Variants in IGFBP2 observed in about 807,000 individuals in gnomAD.
IGFBP2 encodes the protein insulin like growth factor binding protein 2, also known as insulin-like growth factor-binding protein 2.
IGFBP2 carries 12 observed loss-of-function variants against 26.2 expected under a neutral mutation model. The observed-to-expected ratio is 0.46, with a 90% CI of 0.29 to 0.74. The LOEUF is 0.74. Ranked by LOEUF, IGFBP2 falls within the 30% of genes least tolerant of loss-of-function variation. IGFBP2 has a pLI of 0.09. For missense variants in IGFBP2, 328 were observed against 441.2 expected (o/e 0.74, Z 2.30); for synonymous variants, 189 against 200.6 (o/e 0.94, Z 0.49).
rs559066881 is a variant in IGFBP2, at chr2:216,656,694, C to A, written c.443-3863C>A. ...CCAGAAGCTCATGGATAGAGGTACA[C>A]ATGAGCTGCCTTTCCCGTCTCCAAC... is the stretch of plus-strand genomic sequence containing the variant. On this transcript the variant is annotated intron_variant, in intron 1 of 3. Coordinates refer to ENST00000233809, the MANE Select transcript of IGFBP2 (RefSeq NM_000597.3). Among the ~76,000 whole-genome samples the A allele has an allele frequency of 5.1e-4, 77 of 152,172 alleles. 2 individuals carry two copies. Among genetic ancestry groups the A allele is most frequent in the African/African-American group, 1.8e-3 (74 of 41,522 alleles).
Position 216,633,979 on chromosome 2 carries a change from G to A in IGFBP2, c.442+14G>A, listed in dbSNP as rs1343117409. The A allele has an allele frequency of 2.5e-6, 4 of 1,587,416 alleles. No individual in the cohort carries two copies. Among genetic ancestry groups the A allele is most frequent in the South Asian group, 2.3e-5 (2 of 87,302 alleles). On this transcript the variant is annotated intron_variant, in intron 1 of 3. Coordinates refer to ENST00000233809, the MANE Select transcript of IGFBP2 (RefSeq NM_000597.3). The stretch of plus-strand genomic sequence containing the variant: ...AGCAGGTTGCAGGTAACGCGGTCTG[G>A]AACAAGTAGTTGGGAGAAACTTGGA...
In IGFBP2 at chr2:216,661,917, G is replaced by A. The variant is rs771107802; in HGVS notation, c.732G>A (p.Pro244=). 2.2e-5 allele frequency: 35 copies of A among 1,614,048 alleles called. No homozygotes were observed. In the East Asian group the frequency reaches 3.3e-4, roughly 15 times the overall value. The change falls in exon 3 of 4, where the codon CCG becomes CCA. Residue 244 remains proline, a synonymous_variant. Transcript: ENST00000233809. ...AGCGGATCTCCACCATGCGCCTTCC[G>A]GATGAGCGGGGCCCTCTGGAGCACC... ...VLERISTMRL[P]DERGPLEHLY... is the part of the protein sequence containing the mutation.
chr2:216,661,606 C>T, intron 2 of IGFBP2: 1 of 570,032 alleles, frequency 1.8e-6, no homozygotes, highest in Admixed American at 2.8e-5. Flanking sequence ...ACATGAAAGC[C>T]ACGGTCACAG....
chr2:216,649,532 C>T (rs968493768), intron 1 of IGFBP2, among the ~76,000 whole-genome samples: 15 of 152,168 alleles, frequency 9.9e-5, no homozygotes, highest in South Asian at 2.1e-4. Context: ...GTCACCTTGC[C>T]AGGTTCCTGG....
Position 216,660,601 on chromosome 2 carries a change from G to A in IGFBP2, c.487G>A (p.Val163Met), listed in dbSNP as rs1362913240. ...HSEGGLVENHVDSTMNMLGGG... is the reference protein window; with the variant it reads ...HSEGGLVENHMDSTMNMLGGG... The stretch of plus-strand genomic sequence containing the variant: ...AGAAGGAGGCCTGGTGGAGAACCAC[G>A]TGGACAGCACCATGAACATGTTGGG... Residue 163 changes from valine (V) to methionine (M), a missense_variant, in exon 2 of 4, where the codon GTG (valine) becomes ATG (methionine). Val to Met is a conservative substitution (Grantham distance 21). Coordinates refer to ENST00000233809, the MANE Select transcript of IGFBP2 (RefSeq NM_000597.3). 3 of 1,613,660 alleles carry A rather than the reference G, an allele frequency of 1.9e-6. No homozygotes were observed. Among genetic ancestry groups the A allele is most frequent in the South Asian group, 1.1e-5 (1 of 91,016 alleles).
chr2:216,662,780 A>G (rs575489820), intron 3 of IGFBP2: 1 of 151,866 alleles, frequency 6.6e-6, no homozygotes, highest in South Asian at 2.1e-4. Flanking sequence ...GCCGTGTTCA[A>G]GCAATTCTCC....
intron 1 of IGFBP2, among the ~76,000 whole-genome samples, chr2:216,651,795 C>T (rs1477290691): frequency 6.6e-6 from 1 of 152,186 alleles, no homozygotes; most frequent in Non-Finnish European, 1.5e-5. Context: ...TGCTTTGTCG[C>T]CCAGGCTGGA....
At chr2:216,657,439 C>A (rs965384766) in intron 1 of IGFBP2, among the ~76,000 whole-genome samples, 3 of 152,150 alleles carry the variant, frequency 2.0e-5, no homozygotes, top group Non-Finnish European at 1.5e-5. Context: ...TTGTTTCTGA[C>A]CTCTGGGGTC....
chr2:216,650,290 G>A (rs764059265), intron 1 of IGFBP2, among the ~76,000 whole-genome samples: 2 of 152,224 alleles, frequency 1.3e-5, no homozygotes, highest in Non-Finnish European at 2.9e-5. Flanking sequence ...TGAATTTACA[G>A]ATGAGTACAC....
chr2:216,634,545 C>G (rs1183678130), intron 1 of IGFBP2, among the ~76,000 whole-genome samples: 1 of 152,198 alleles, frequency 6.6e-6, no homozygotes, highest in Non-Finnish European at 1.5e-5. Context: ...ACCACCACTA[C>G]TATTTCTCCA....
chr2:216,638,500 C>T (rs768241418), intron 1 of IGFBP2, among the ~76,000 whole-genome samples: 2 of 151,846 alleles, frequency 1.3e-5, no homozygotes, highest in East Asian at 2.0e-4. Flanking sequence ...AGTGAAACTC[C>T]GTCTCAAAAA....
intron 1 of IGFBP2, among the ~76,000 whole-genome samples, chr2:216,636,153 C>T (rs1199419533): frequency 1.3e-5 from 2 of 152,018 alleles, no homozygotes; most frequent in Non-Finnish European, 2.9e-5. Context: ...ACTGGAGTCA[C>T]TGGATGGAGA....
At chr2:216,645,385 C>T (rs186042277) in intron 1 of IGFBP2, among the ~76,000 whole-genome samples, 26 of 152,278 alleles carry the variant, frequency 1.7e-4, no homozygotes, top group Admixed American at 3.3e-4. Flanking sequence ...AAAGGTCTTG[C>T]TTGAGAGTCT....
intron 2 of IGFBP2, chr2:216,661,392 C>T (rs2106207547): frequency 3.4e-6 from 1 of 291,674 alleles, no homozygotes; most frequent in South Asian, 3.4e-5. Flanking sequence ...GCGCCAGCCA[C>T]TGCGCCTGGC....
In IGFBP2 at chr2:216,663,946, A is replaced by C. The variant is rs199850044; in HGVS notation, c.820A>C (p.Met274Leu). ...TCTTCTCCTCTCTCCCCAGTGCAAG[A>C]TGTCTCTGAACGGGCAGCGTGGGGA... is the stretch of plus-strand genomic sequence containing the variant. The part of the protein sequence containing the change: ...HGLYNLKQCK[M>L]SLNGQRGECW... The change falls in exon 4 of 4, where the codon ATG (methionine) becomes CTG (leucine). Residue 274 changes from methionine (M) to leucine (L), a missense_variant. Physicochemically the swap from Met to Leu is conservative, Grantham distance 15 (BLOSUM62 2). Transcript: ENST00000233809. 1 of 1,613,894 alleles carries C rather than the reference A, an allele frequency of 6.2e-7. No individual in the cohort carries two copies. The highest frequency in any genetic ancestry group is 1.7e-5 in the Admixed American group (1 of 59,990).
chr2:216,657,336 T>C (rs903362144), intron 1 of IGFBP2, among the ~76,000 whole-genome samples: 1 of 152,148 alleles, frequency 6.6e-6, no homozygotes, highest in African/African-American at 2.4e-5. Flanking sequence ...GAGGTCAGTG[T>C]TGAGATGGAA....
At chr2:216,663,046 G>T (rs559755751) in intron 3 of IGFBP2, 2 of 152,242 alleles carry the variant, frequency 1.3e-5, no homozygotes, top group East Asian at 3.9e-4. Context: ...CTAAAGTGTG[G>T]ATGTGTGAAG....
chr2:216,635,541 A>G (rs551032310), intron 1 of IGFBP2, among the ~76,000 whole-genome samples: 4 of 152,212 alleles, frequency 2.6e-5, no homozygotes, highest in South Asian at 4.1e-4. Context: ...CTCTAAGTTC[A>G]TAGGATGGTT....
intron 1 of IGFBP2, among the ~76,000 whole-genome samples, chr2:216,654,321 G>C (rs1011674144): frequency 3.3e-5 from 5 of 152,194 alleles, no homozygotes; most frequent in Non-Finnish European, 7.3e-5. Context: ...CCTACTGTGT[G>C]CCAGGCCCTC....
Sources: allele counts gnomAD v4.1 joint callset (sites outside exome capture counted in the v4.1 genomes callset), GRCh38; gene constraint gnomAD v4.1.1; transcripts MANE v1.5; gene names NCBI Gene and HGNC (gene_info 2026-07-23, HGNC 2026-07-21).